The following VTI1A variants were observed in gnomAD, a reference collection of about 807,000 sequenced individuals.
VTI1A encodes the protein vesicle transport through interaction with t-SNAREs 1A.
A neutral mutation model predicts 34.9 loss-of-function variants in VTI1A; 22 were observed. The ratio of observed to expected loss-of-function variants is 0.63; its 90% CI spans 0.45 to 0.90. The LOEUF is 0.90. VTI1A is among the 40% of genes least tolerant of loss of function. The pLI, the probability that VTI1A is intolerant of heterozygous loss-of-function variation, is 0.00. For missense variants in VTI1A, 268 were observed against 275.6 expected (o/e 0.97, Z 0.20); for synonymous variants, 87 against 97.3 (o/e 0.89, Z 0.62).
intron 3 of VTI1A, among the ~76,000 whole-genome samples, chr10:112,474,067 CTT>C (rs950845596): frequency 1.4e-5 from 2 of 146,626 alleles, no homozygotes; most frequent in African/African-American, 2.5e-5. Flanking sequence ...ATGACTATGA[CTT>C]TTTTTTTTTT....
chr10:112,570,951 A>G (rs1054407563), intron 5 of VTI1A, among the ~76,000 whole-genome samples: 1 of 152,258 alleles, frequency 6.6e-6, no homozygotes, highest in African/African-American at 2.4e-5. Context: ...ATAACCATGT[A>G]AGTCCTATCA....
chr10:112,589,333 T>C (rs1246074745), intron 5 of VTI1A, among the ~76,000 whole-genome samples: 1 of 152,116 alleles, frequency 6.6e-6, no homozygotes, highest in Admixed American at 6.5e-5. Context: ...GATCTGATGA[T>C]TGGATTAAGG....
At chr10:112,809,230 C>T (rs1157130872) in intron 7 of VTI1A, among the ~76,000 whole-genome samples, 4 of 152,226 alleles carry the variant, frequency 2.6e-5, no homozygotes, top group Admixed American at 2.6e-4. Flanking sequence ...GAAAATAACC[C>T]TTCCAATTAA....
At chr10:112,453,051 A>G (rs986455922) in intron 1 of VTI1A, among the ~76,000 whole-genome samples, 21 of 152,180 alleles carry the variant, frequency 1.4e-4, no homozygotes, top group Non-Finnish European at 2.6e-4. Context: ...CCTCATGGCT[A>G]TGACAGTTTC....
intron 5 of VTI1A, among the ~76,000 whole-genome samples, chr10:112,619,316 G>A (rs1384982747): frequency 1.3e-5 from 2 of 152,116 alleles, no homozygotes; most frequent in East Asian, 3.9e-4. Context: ...AATGAAGACA[G>A]TTCCTCTAAC....
chr10:112,737,767 G>A, intron 7 of VTI1A: 1 of 1,059,674 alleles, frequency 9.4e-7, no homozygotes, highest in Non-Finnish European at 1.1e-6. Flanking sequence ...ACATACTTCT[G>A]GAGATCAAAA....
intron 7 of VTI1A, among the ~76,000 whole-genome samples, chr10:112,798,022 G>A (rs144488918): frequency 5.2e-4 from 77 of 147,566 alleles, no homozygotes; most frequent in African/African-American, 1.6e-3. Flanking sequence ...GGACCTCTTC[G>A]CAGGGACACA....
chr10:112,822,042 C>A (rs1853664055), downstream of VTI1A, among the ~76,000 whole-genome samples: 1 of 152,206 alleles, frequency 6.6e-6, no homozygotes, highest in Admixed American at 6.5e-5. Flanking sequence ...TTCAGTCCTA[C>A]CAGCCACAGA....
At chr10:112,792,460 C>T (rs1852516277) in intron 7 of VTI1A, among the ~76,000 whole-genome samples, 1 of 152,114 alleles carries the variant, frequency 6.6e-6, no homozygotes, top group African/African-American at 2.4e-5. Context: ...TGGCTCTCAC[C>T]TTAGTACCAC....
intron 5 of VTI1A, among the ~76,000 whole-genome samples, chr10:112,653,118 G>A (rs1847099140): frequency 6.6e-6 from 1 of 152,176 alleles, no homozygotes; most frequent in Non-Finnish European, 1.5e-5. Context: ...CTCTGTAAAT[G>A]AAGAGGATGA....
intron 5 of VTI1A, among the ~76,000 whole-genome samples, chr10:112,540,973 A>T (rs939645513): frequency 4.6e-5 from 7 of 152,214 alleles, no homozygotes; most frequent in Non-Finnish European, 8.8e-5. Context: ...TCACCAGTGC[A>T]CTGCAAAATG....
At chr10:112,542,151 G>C (rs1286387152) in intron 5 of VTI1A, among the ~76,000 whole-genome samples, 1 of 152,060 alleles carries the variant, frequency 6.6e-6, no homozygotes, top group African/African-American at 2.4e-5. Flanking sequence ...AAATATCCCA[G>C]AATTACAATA....
intron 3 of VTI1A, among the ~76,000 whole-genome samples, chr10:112,504,564 T>C (rs1236922074): frequency 6.6e-6 from 1 of 152,202 alleles, no homozygotes; most frequent in East Asian, 1.9e-4. Flanking sequence ...AACCAATCCA[T>C]GTGAATTAGC....
At chr10:112,486,275 C>T (rs1848623847) in intron 3 of VTI1A, among the ~76,000 whole-genome samples, 1 of 152,118 alleles carries the variant, frequency 6.6e-6, no homozygotes, top group Non-Finnish European at 1.5e-5. Context: ...GCCTTGGCCA[C>T]CAACTACCTT....
chr10:112,802,940 G>T (rs982993499), intron 7 of VTI1A, among the ~76,000 whole-genome samples: 2 of 152,174 alleles, frequency 1.3e-5, no homozygotes, highest in East Asian at 3.9e-4. Context: ...GAGCAGCCTC[G>T]AAATTGAGTA....
intron 5 of VTI1A, among the ~76,000 whole-genome samples, chr10:112,564,472 A>G (rs531171530): frequency 6.6e-6 from 1 of 152,084 alleles, no homozygotes; most frequent in East Asian, 1.9e-4. Context: ...CATATTGTGA[A>G]GTTAAAACAG....
intron 5 of VTI1A, among the ~76,000 whole-genome samples, chr10:112,593,745 T>A (rs971495729): frequency 1.3e-5 from 2 of 152,134 alleles, no homozygotes; most frequent in African/African-American, 2.4e-5. Context: ...TTATTTTTTT[T>A]ATTTTTTTTG....
chr10:112,839,292 T>C, the VTI1A span, among the ~76,000 whole-genome samples: 86 of 152,130 alleles, frequency 5.7e-4, no homozygotes, highest in African/African-American at 2.0e-3. Flanking sequence ...TCATTTCCCA[T>C]TGTGAGAAGC....
the VTI1A span, among the ~76,000 whole-genome samples, chr10:112,850,581 C>G: frequency 6.6e-6 from 1 of 152,098 alleles, no homozygotes; most frequent in African/African-American, 2.4e-5. Flanking sequence ...GTTAATGAAA[C>G]TTAAGTTTCT....
Sources: gnomAD v4.1 joint callset for allele counts (sites outside exome capture counted in the v4.1 genomes callset) on GRCh38, gnomAD v4.1.1 for gene constraint, MANE v1.5 for transcripts, NCBI Gene and HGNC (gene_info 2026-07-23, HGNC 2026-07-21) for gene names.